The following DENND3 variants were observed in gnomAD, a reference collection of about 807,000 sequenced individuals.
The protein encoded by DENND3 is DENN domain-containing protein 3.
Under a neutral mutation model 135.1 loss-of-function variants are expected in DENND3, and 88 were observed. The ratio of observed to expected loss-of-function variants is 0.65; its 90% CI spans 0.55 to 0.78. The LOEUF (loss-of-function observed/expected upper bound fraction) is 0.78. DENND3 is among the 30% of genes least tolerant of loss of function. The pLI, the probability that DENND3 is intolerant of heterozygous loss-of-function variation, is 0.00. For missense variants in DENND3, 1,392 were observed against 1,688.4 expected, an observed-to-expected ratio of 0.82 and a Z score of 3.08; for synonymous variants, 693 against 712.3, an observed-to-expected ratio of 0.97 and a Z score of 0.43.
At chr8:141,176,500 T>G in intron 14 of DENND3, 91 bp from the exon 15 acceptor site, 1 of 1,532,634 alleles carries the variant, frequency 6.5e-7, no homozygotes. Context: ...CATCTGCCTC[T>G]TCATTCCAGA....
chr8:141,150,199 C>A, intron 5 of DENND3: 1 of 654,348 alleles, frequency 1.5e-6, no homozygotes, highest in Non-Finnish European at 2.2e-6. Context: ...GGCAGGAACT[C>A]GCTGTTTGCA....
chr8:141,157,436 T>A, intron 8 of DENND3: 1 of 985,404 alleles, frequency 1.0e-6, no homozygotes, highest in African/African-American at 1.7e-5. Context: ...TGCTCTTGAG[T>A]CCTCACAACC....
rs769293577 is a variant in DENND3 at position 141,192,411 on chromosome 8, A to C, written c.3460A>C (p.Thr1154Pro). Residue 1154 changes from threonine to proline, a missense_variant, in exon 21 of 23, where the codon ACC (threonine) becomes CCC (proline). Coordinates refer to ENST00000519811, the MANE Select transcript of DENND3 (RefSeq NM_001352890.3). ...GAAGATTGAGGAGAACTTCAAAGAC[A>C]CCAGTACCTCCTTCCTGGCCTTCCA... ...ELKIEENFKD[T>P]STSFLAFQLL... is the part of the protein sequence containing the mutation. The C allele has an allele frequency of 6.2e-7, 1 of 1,614,222 alleles. No homozygotes were observed. Among genetic ancestry groups the C allele is most frequent in the Non-Finnish European group, 8.5e-7 (1 of 1,180,030 alleles).
rs745407536 is a variant in DENND3 at position 141,146,082 on chromosome 8, C to T, written c.735+1823C>T. ...CAGGGTGGTCTCGATCTCCTGACCTCGTGATCTCCCCGCCTCGGCCTCCCG... is the reference window on the plus strand; with the variant it reads ...CAGGGTGGTCTCGATCTCCTGACCTTGTGATCTCCCCGCCTCGGCCTCCCG... On this transcript the variant is annotated intron_variant, in intron 5 of 22. Transcript: ENST00000519811. This position sits in a 1 kb window ranked among gnomAD's most constrained non-coding sequence, Gnocchi z 4.3. Among the ~76,000 whole-genome samples, 2 of 151,970 alleles carry T rather than the reference C, an allele frequency of 1.3e-5. No individual in the cohort carries two copies. Among genetic ancestry groups the T allele is most frequent in the African/African-American group, 2.4e-5 (1 of 41,388 alleles).
rs1441825987 is a variant in DENND3 at position 141,130,652 on chromosome 8, T to C, written c.102+1843T>C. ...TGATTTTATTTATTTAGATGTTTTTTCGGCGGTTCTATTTTGAATGTCCAA... is the reference window on the plus strand; with the variant it reads ...TGATTTTATTTATTTAGATGTTTTTCCGGCGGTTCTATTTTGAATGTCCAA... On this transcript the variant is annotated intron_variant, in intron 1 of 22. Transcript: ENST00000519811. The surrounding 1 kb of genome is among the most constrained non-coding windows in gnomAD (Gnocchi z 4.2). Among the ~76,000 whole-genome samples the C allele has an allele frequency of 6.6e-6, 1 of 152,078 alleles. No homozygotes were observed. The highest frequency in any genetic ancestry group is 1.5e-5 in the Non-Finnish European group (1 of 68,032).
intron 5 of DENND3, among the ~76,000 whole-genome samples, chr8:141,145,826 TATATATATATATATATATATATA>T (rs1391812404): frequency 0.16 from 9,320 of 60,102 alleles, 829 homozygotes; most frequent in East Asian, 0.39. Flanking sequence ...TATATATATA[TATATATATATATATATATATATA>T]TGTATTTTTT....
At chr8:141,149,715 A>T (rs112995078) in intron 5 of DENND3, among the ~76,000 whole-genome samples, 9 of 152,350 alleles carry the variant, frequency 5.9e-5, no homozygotes, top group African/African-American at 2.2e-4. Flanking sequence ...ACCTGGAGAA[A>T]ACCTAGCCGG....
At chr8:141,157,368 C>A in intron 8 of DENND3, 1 of 985,380 alleles carries the variant, frequency 1.0e-6, no homozygotes, top group East Asian at 1.1e-4. Context: ...CGGGGTTGCT[C>A]TGCGGAGCTC....
At chr8:141,188,881 G>A (rs1824293253) in intron 18 of DENND3, 105 bp from the exon 19 acceptor site, 1 of 1,441,890 alleles carries the variant, frequency 6.9e-7, no homozygotes. Flanking sequence ...CCTAGGAGCA[G>A]TGGTTCCATA....
At position 141,138,417 on chromosome 8, in the gene DENND3, G is replaced by C. The variant is rs1203097757; in HGVS notation, c.501+280G>C. Among the ~76,000 whole-genome samples, 1 of 151,530 alleles carries C rather than the reference G, an allele frequency of 6.6e-6. No individual in the cohort carries two copies. Among genetic ancestry groups the C allele is most frequent in the African/African-American group, 2.4e-5 (1 of 41,168 alleles). Reference sequence around the variant, plus strand: ...TTTTTTTTTATTGAGATGGAGTCTTGCTCTGTCATCCAGGCTGGAGTGCAG... The same window carrying C: ...TTTTTTTTTATTGAGATGGAGTCTTCCTCTGTCATCCAGGCTGGAGTGCAG... On this transcript the variant is annotated intron_variant, in intron 3 of 22. Transcript: ENST00000519811. The surrounding 1 kb of genome is among the most constrained non-coding windows in gnomAD (Gnocchi z 4.8).
chr8:141,175,444 C>T lies in DENND3; in HGVS notation c.2520C>T (p.Thr840=). ...EGRPGYLEIS[T]FRNIEEVRRT... ...GGCCAGGCTACTTGGAGATTTCCAC[C>T]TTCAGAAATATAGAGGTAAGGACAG... The change falls in exon 14 of 23, where the codon ACC becomes ACT. Residue 840 remains threonine (T), a synonymous_variant. Coordinates refer to ENST00000519811, the MANE Select transcript of DENND3 (RefSeq NM_001352890.3). This position sits in a 1 kb window ranked among gnomAD's most constrained non-coding sequence, Gnocchi z 5.4. The T allele has an allele frequency of 1.2e-6, 2 of 1,614,184 alleles. No individual in the cohort carries two copies. Among genetic ancestry groups the T allele is most frequent in the Non-Finnish European group, 1.7e-6 (2 of 1,180,038 alleles).
intron 10 of DENND3, 96 bp downstream of exon 10, chr8:141,163,525 T>A (rs1820397218): frequency 2.4e-6 from 2 of 818,568 alleles, no homozygotes; most frequent in Admixed American, 2.8e-5. Context: ...CTCAAGTGTA[T>A]CAACTTTTCC....
intron 18 of DENND3, 160 bp downstream of exon 18, chr8:141,185,438 TA>T: frequency 1.1e-6 from 1 of 919,968 alleles, no homozygotes; most frequent in South Asian, 1.9e-5. Context: ...GTTTTCAAAT[TA>T]AATGTAAGCT....
At position 141,155,820 on chromosome 8, in the gene DENND3, A is replaced by G. The variant is rs529009571; in HGVS notation, c.1075-29A>G. On this transcript the variant is annotated intron_variant, in intron 7 of 22. Transcript: ENST00000519811. ...TACAAATTCCGAAATTCTTTTATCA[A>G]TCTTTACAGATGATTCCTTGTTTTC... The G allele has an allele frequency of 7.7e-6, 12 of 1,556,382 alleles. No individual in the cohort carries two copies. In the Admixed American group the frequency reaches 1.2e-4, roughly 16 times the overall value.
intron 19 of DENND3, 85 bp from the exon 20 acceptor site, chr8:141,190,199 G>T: frequency 7.0e-7 from 1 of 1,430,098 alleles, no homozygotes. Context: ...CTCTCATGGC[G>T]ACTTGGTTCT....
rs307762 is a variant in DENND3, at chr8:141,144,163, G to A, written c.639G>A (p.Leu213=). Residue 213 remains leucine (L), a synonymous_variant, in exon 5 of 23, where the codon CTG becomes CTA. Transcript: ENST00000519811. The surrounding 1 kb of genome is among the most constrained non-coding windows in gnomAD (Gnocchi z 4.4). ...CGAATTTCAGTTTATTGGCTCTTCT[G>A]AAGCCCTGTAAAGATTTTGAAGTGG... ...KDCLSCLLAL[L]KPCKDFEVDS... is the part of the protein sequence containing the mutation. 0.01 allele frequency: 16,164 copies of A among 1,611,206 alleles called. 1,300 individuals are homozygous for A. The African/African-American group carries it at 0.18, about 18-fold the overall frequency.
At chr8:141,143,712 T>C (rs1209452361) in intron 4 of DENND3, among the ~76,000 whole-genome samples, 2 of 152,114 alleles carry the variant, frequency 1.3e-5, no homozygotes, top group South Asian at 2.1e-4. Context: ...ACCCCTCTTA[T>C]AGTTTTAAAT....
chr8:141,188,344 A>G (rs983619321), intron 18 of DENND3: 1 of 152,270 alleles, frequency 6.6e-6, no homozygotes, highest in Non-Finnish European at 1.5e-5. Context: ...CACTGGGAGC[A>G]CTGCCAGTTC....
rs927711282 is a variant in DENND3, at chr8:141,168,182, G to C, written c.1932G>C (p.Gly644=). The change falls in exon 13 of 23, where the codon GGG becomes GGC. Residue 644 remains glycine (G), a synonymous_variant. Coordinates refer to ENST00000519811, the MANE Select transcript of DENND3 (RefSeq NM_001352890.3). The surrounding 1 kb of genome is among the most constrained non-coding windows in gnomAD (Gnocchi z 6.2). ...LLLARYLYLR[G]LVYLMQGQLL... ...TGGCCCGCTATTTGTACCTCCGAGG[G>C]CTCGTTTATCTGATGCAGGGACAGC... 2 of 1,614,158 alleles carry C rather than the reference G, an allele frequency of 1.2e-6. No individual in the cohort carries two copies. Among genetic ancestry groups the C allele is most frequent in the African/African-American group, 1.3e-5 (1 of 75,040 alleles).
Sources: gnomAD v4.1 joint callset for allele counts (sites outside exome capture counted in the v4.1 genomes callset) on GRCh38, gnomAD v4.1.1 for gene constraint, Gnocchi (gnomAD v3.1) non-coding constraint, MANE v1.5 for transcripts, NCBI Gene and HGNC (gene_info 2026-07-23, HGNC 2026-07-21) for gene names.